NFYC: variants seen among roughly 807,000 people sequenced by gnomAD.
The protein encoded by NFYC is nuclear transcription factor Y subunit gamma, also known as CAAT box DNA-binding protein subunit C.
A neutral mutation model predicts 53.1 loss-of-function variants in NFYC; 25 were observed. The observed-to-expected ratio is 0.47, with a 90% CI of 0.34 to 0.66. The LOEUF is 0.66. Ranked by LOEUF, NFYC falls within the 30% of genes least tolerant of loss-of-function variation. The probability of loss-of-function intolerance (pLI) is 0.01; values close to 1 mark genes in which losing one functional copy is unlikely to be tolerated. For synonymous variants in NFYC, 145 were observed against 152.6 expected (o/e 0.95, Z 0.37); for missense variants, 260 against 422.7 (o/e 0.62, Z 3.38).
intron 1 of NFYC, among the ~76,000 whole-genome samples, chr1:40,697,289 T>TG (rs1643200714): frequency 6.6e-6 from 1 of 152,144 alleles, no homozygotes; most frequent in Admixed American, 6.5e-5. Flanking sequence ...TGAGGAGGGG[T>TG]GAGGCCTTTT....
intron 1 of NFYC, among the ~76,000 whole-genome samples, chr1:40,702,763 G>C (rs978078931): frequency 3.3e-5 from 5 of 152,196 alleles, no homozygotes; most frequent in Non-Finnish European, 7.3e-5. Context: ...ACCAAGTTGG[G>C]TGAGAGATAA....
At chr1:40,733,790 C>CTGT (rs1644888941) in intron 1 of NFYC, among the ~76,000 whole-genome samples, 1 of 151,974 alleles carries the variant, frequency 6.6e-6, no homozygotes, top group Non-Finnish European at 1.5e-5. Context: ...GTCGCCCAGG[C>CTGT]TGTTGTGCAG....
intron 3 of NFYC, among the ~76,000 whole-genome samples, chr1:40,749,039 A>T (rs906818849): frequency 6.6e-6 from 1 of 152,218 alleles, no homozygotes; most frequent in Non-Finnish European, 1.5e-5. Context: ...ACATCAAGAA[A>T]GTTTATATGG....
chr1:40,731,968 A>G (rs915945978), intron 1 of NFYC, among the ~76,000 whole-genome samples: 11 of 152,134 alleles, frequency 7.2e-5, no homozygotes, highest in Non-Finnish European at 1.5e-4. Context: ...GTTTTGTTAT[A>G]TGTTTGGCTT....
intron 1 of NFYC, chr1:40,712,843 T>G (rs1291172336): frequency 6.6e-6 from 1 of 151,518 alleles, no homozygotes; most frequent in African/African-American, 2.4e-5. Flanking sequence ...CGTGCCCAAC[T>G]AATTTTTTTT....
In NFYC at chr1:40,738,842, A is replaced by C; in HGVS notation, c.-2A>C. 6.2e-7 allele frequency: 1 copy of C among 1,612,586 alleles called. No homozygotes were observed. Among genetic ancestry groups the C allele is most frequent in the Non-Finnish European group, 8.5e-7 (1 of 1,178,680 alleles). Reference sequence around the variant, plus strand: ...TGTATGTGTTTATTTTCAGTTGTCGAGATGTCCACAGAAGGAGGATTTGGT... The same window carrying C: ...TGTATGTGTTTATTTTCAGTTGTCGCGATGTCCACAGAAGGAGGATTTGGT... On this transcript the variant is annotated 5_prime_UTR_variant, in exon 2 of 10. Coordinates refer to ENST00000447388, the MANE Select transcript of NFYC (RefSeq NM_014223.5).
intron 6 of NFYC, among the ~76,000 whole-genome samples, chr1:40,759,535 CA>C (rs912688363): frequency 1.6e-4 from 21 of 131,050 alleles, no homozygotes; most frequent in Non-Finnish European, 2.8e-4. Context: ...GATCCTGTCT[CA>C]AAAAAAAAAC....
At position 40,726,561 on chromosome 1, in the gene NFYC, C is replaced by A. The variant is rs141822901; in HGVS notation, c.-8-12275C>A. Among the ~76,000 whole-genome samples the A allele has an allele frequency of 5.0e-3, 757 of 152,242 alleles. 5 individuals carry two copies. The highest frequency in any genetic ancestry group is 0.018 in the African/African-American group (733 of 41,532). ...AGTAGCTGGGACTACAGACACGTGCCACCACACCCAGCTGATTTTTGTATT... is the reference window on the plus strand; with the variant it reads ...AGTAGCTGGGACTACAGACACGTGCAACCACACCCAGCTGATTTTTGTATT... On this transcript the variant is annotated intron_variant, in intron 1 of 9. Transcript: ENST00000447388.
At chr1:40,723,311 A>G (rs756145240) in intron 1 of NFYC, 1 of 152,226 alleles carries the variant, frequency 6.6e-6, no homozygotes, top group Non-Finnish European at 1.5e-5. Context: ...ATACAACTTA[A>G]CTTAGGCTAC....
intron 5 of NFYC, chr1:40,754,520 G>T (rs1236619123): frequency 6.4e-6 from 3 of 465,706 alleles, no homozygotes; most frequent in Non-Finnish European, 1.3e-5. Context: ...CTCCTCTTGG[G>T]GGTCCTTCCC....
In NFYC at chr1:40,727,790, C is replaced by T. The variant is rs553484198; in HGVS notation, c.-8-11046C>T. Among the ~76,000 whole-genome samples, 598 of 152,218 alleles carry T rather than the reference C, an allele frequency of 3.9e-3. 2 individuals are homozygous for T. The highest frequency in any genetic ancestry group is 7.1e-3 in the Admixed American group (109 of 15,290). On this transcript the variant is annotated intron_variant, in intron 1 of 9. Coordinates refer to ENST00000447388, the MANE Select transcript of NFYC (RefSeq NM_014223.5). The stretch of plus-strand genomic sequence containing the variant: ...TTGTGATTCGCCCGCCTCGGCCTCC[C>T]AAAGTGCTAGGATTACAGGCATGAG...
Position 40,763,012 on chromosome 1 carries a change from TC to T in NFYC, c.687del (p.Ile230SerfsTer14). 1 of 1,610,146 alleles carries T rather than the reference TC, an allele frequency of 6.2e-7. No homozygotes were observed. Among genetic ancestry groups the T allele is most frequent in the Non-Finnish European group, 8.5e-7 (1 of 1,177,808 alleles). ...TGQTMQVMQQ[I>X]ITNTGEIQQI... is the part of the protein sequence containing the mutation. The stretch of plus-strand genomic sequence containing the variant: ...CAGACCATGCAGGTGATGCAGCAGA[TC>T]ATCACTAACACAGGAGAGATCCAGC... On this transcript the variant is annotated frameshift_variant, in exon 7 of 10. Transcript: ENST00000447388. LOFTEE classifies it high-confidence loss of function.
intron 4 of NFYC, among the ~76,000 whole-genome samples, chr1:40,751,993 A>G (rs1645939876): frequency 6.6e-6 from 1 of 152,110 alleles, no homozygotes; most frequent in Admixed American, 6.5e-5. Flanking sequence ...TCACAGATAC[A>G]AGGGAAAGAA....
chr1:40,705,114 A>G (rs1643633465), intron 1 of NFYC, among the ~76,000 whole-genome samples: 1 of 152,266 alleles, frequency 6.6e-6, no homozygotes, highest in African/African-American at 2.4e-5. Context: ...ACATGGTGAT[A>G]TCTATACATT....
intron 1 of NFYC, among the ~76,000 whole-genome samples, chr1:40,731,175 A>C (rs1030106251): frequency 3.9e-5 from 6 of 151,904 alleles, no homozygotes; most frequent in Non-Finnish European, 7.4e-5. Context: ...TGGATAAATA[A>C]TCATCTTACT....
intron 5 of NFYC, chr1:40,754,473 T>C (rs889797713): frequency 4.0e-5 from 21 of 530,942 alleles, no homozygotes; most frequent in Admixed American, 3.5e-4. Context: ...CGCACCGGCT[T>C]TGAAACATTG....
intron 1 of NFYC, among the ~76,000 whole-genome samples, chr1:40,693,488 A>G (rs1642954276): frequency 6.6e-6 from 1 of 152,192 alleles, no homozygotes; most frequent in African/African-American, 2.4e-5. Context: ...AGAAACTCCT[A>G]GGGTTTTCAA....
rs1485848028 is a variant in NFYC, at chr1:40,691,723, T to C, written c.-153T>C. On this transcript the variant is annotated 5_prime_UTR_variant, in exon 1 of 10. Coordinates refer to ENST00000447388, the MANE Select transcript of NFYC (RefSeq NM_014223.5). ...AACGGTGCAAACGGCGTGGCCGCCA[T>C]CTTGCTTGTGCCCCCGCTTCGCGCG... 1 of 454,768 alleles carries C rather than the reference T, an allele frequency of 2.2e-6. No individual in the cohort carries two copies. Among genetic ancestry groups the C allele is most frequent in the Non-Finnish European group, 4.4e-6 (1 of 226,132 alleles). The allele number at this position is 454,768 out of a possible 1,614,324, so 28.2% of individuals were successfully genotyped here.
intron 1 of NFYC, among the ~76,000 whole-genome samples, chr1:40,722,040 G>A (rs1312399331): frequency 2.0e-5 from 3 of 152,090 alleles, no homozygotes; most frequent in Admixed American, 6.5e-5. Flanking sequence ...GCGTGGTGGT[G>A]GGCACCTGTG....
Sources: gnomAD v4.1 joint callset for allele counts (sites outside exome capture counted in the v4.1 genomes callset) on GRCh38, gnomAD v4.1.1 for gene constraint, MANE v1.5 for transcripts, NCBI Gene and HGNC (gene_info 2026-07-23, HGNC 2026-07-21) for gene names.